The following ZNF618 variants were observed in gnomAD, a reference collection of about 807,000 sequenced individuals.
ZNF618 encodes the protein zinc finger protein 618, also known as neural precursor cell expressed, developmentally down-regulated 10.
Under a neutral mutation model 103.0 loss-of-function variants are expected in ZNF618, and 34 were observed. The observed-to-expected ratio is 0.33, with a 90% CI of 0.25 to 0.44. The LOEUF (loss-of-function observed/expected upper bound fraction) is 0.44. Among genes scored for constraint, ZNF618 ranks in the 20% least tolerant of loss-of-function variants. The pLI, the probability that ZNF618 is intolerant of heterozygous loss-of-function variation, is 1.00. For missense variants in ZNF618, 1,059 were observed against 1,295.4 expected (o/e 0.82, Z 2.80); for synonymous variants, 551 against 542.2 (o/e 1.02, Z -0.23).
At chr9:113,952,359 T>C (rs1276921960) in intron 1 of ZNF618, among the ~76,000 whole-genome samples, 4 of 152,338 alleles carry the variant, frequency 2.6e-5, no homozygotes, top group African/African-American at 7.2e-5. Flanking sequence ...ACTGAGTAGC[T>C]GATCTGTCCT....
At chr9:114,017,519 A>G (rs1213935454) in intron 10 of ZNF618, among the ~76,000 whole-genome samples, 1 of 152,156 alleles carries the variant, frequency 6.6e-6, no homozygotes, top group African/African-American at 2.4e-5. Context: ...CCCCGAGTAT[A>G]TGAGCTAGGG....
intron 2 of ZNF618, among the ~76,000 whole-genome samples, chr9:113,969,692 C>G (rs899768538): frequency 6.6e-6 from 1 of 152,104 alleles, no homozygotes; most frequent in East Asian, 1.9e-4. Context: ...CTGTTTTTAC[C>G]AAAGAAGGGA....
At chr9:113,988,661 G>T in intron 3 of ZNF618, 81 bp downstream of exon 3, 1 of 1,482,014 alleles carries the variant, frequency 6.7e-7, no homozygotes, top group East Asian at 2.4e-5. Flanking sequence ...GCGGCCTGGC[G>T]CCTCTGCCCC....
intron 1 of ZNF618, among the ~76,000 whole-genome samples, chr9:113,962,443 A>C (rs1053741570): frequency 3.9e-5 from 6 of 152,200 alleles, no homozygotes; most frequent in Non-Finnish European, 8.8e-5. Flanking sequence ...TGTAAGTCAA[A>C]GTATGTCACT....
intron 4 of ZNF618, among the ~76,000 whole-genome samples, chr9:113,999,487 C>T (rs1048798628): frequency 6.6e-5 from 10 of 152,200 alleles, no homozygotes; most frequent in African/African-American, 2.4e-4. Context: ...TCACTCTGCA[C>T]TGGGGGTCAG....
At chr9:113,944,832 G>A (rs1229745451) in intron 1 of ZNF618, among the ~76,000 whole-genome samples, 1 of 152,176 alleles carries the variant, frequency 6.6e-6, no homozygotes, top group African/African-American at 2.4e-5. Context: ...ATCAGTGTGT[G>A]TTTTCCTCGT....
intron 1 of ZNF618, among the ~76,000 whole-genome samples, chr9:113,917,330 C>G (rs1832218252): frequency 7.0e-6 from 1 of 143,236 alleles, no homozygotes; most frequent in Non-Finnish European, 1.5e-5. Context: ...ATTGTACTCA[C>G]TACCTCCCGG....
intron 4 of ZNF618, among the ~76,000 whole-genome samples, chr9:114,000,281 A>G (rs1470525890): frequency 3.9e-5 from 6 of 152,156 alleles, no homozygotes; most frequent in African/African-American, 1.4e-4. Flanking sequence ...TGTAGGAATC[A>G]GAGTCCGGTT....
rs1846051255 is a variant in ZNF618, at chr9:114,050,433, T to TGC, written c.*267_*268dup. Reference sequence around the variant, plus strand: ...CTCATCTCCATGGCCAGAGAAACTTTGCACACACGCACACACACACACACA... The same window carrying TGC: ...CTCATCTCCATGGCCAGAGAAACTTTGCGCACACACGCACACACACACACACA... On this transcript the variant is annotated 3_prime_UTR_variant, in exon 15 of 15. Coordinates refer to ENST00000374126, the MANE Select transcript of ZNF618 (RefSeq NM_001318042.2). The TGC allele has an allele frequency of 2.8e-6, 1 of 351,652 alleles. No individual in the cohort carries two copies. Among genetic ancestry groups the TGC allele is most frequent in the South Asian group, 3.9e-5 (1 of 25,810 alleles). 21.8% of individuals were successfully genotyped at this position (351,652 alleles called of 1,614,324 possible).
At chr9:113,929,342 C>T (rs1480605632) in intron 1 of ZNF618, among the ~76,000 whole-genome samples, 1 of 152,210 alleles carries the variant, frequency 6.6e-6, no homozygotes, top group Non-Finnish European at 1.5e-5. Flanking sequence ...ACTGTCTCTG[C>T]AGATTTCAGG....
chr9:114,029,051 G>T, intron 11 of ZNF618, 79 bp downstream of exon 11: 1 of 1,491,546 alleles, frequency 6.7e-7, no homozygotes, highest in Non-Finnish European at 8.9e-7. Context: ...GCCTGGGGTT[G>T]TTGTTGCCTT....
At chr9:113,969,630 C>T (rs1238194854) in intron 2 of ZNF618, among the ~76,000 whole-genome samples, 3 of 152,144 alleles carry the variant, frequency 2.0e-5, no homozygotes. Flanking sequence ...CTTTCCTCAC[C>T]CTCAAGGATG....
chr9:114,029,297 A>C (rs1843792394), intron 11 of ZNF618, among the ~76,000 whole-genome samples: 1 of 152,212 alleles, frequency 6.6e-6, no homozygotes, highest in South Asian at 2.1e-4. Context: ...AAGGTTTAAA[A>C]AATTTTTTAG....
intron 12 of ZNF618, among the ~76,000 whole-genome samples, chr9:114,033,776 A>G (rs1003167440): frequency 3.9e-5 from 6 of 152,194 alleles, no homozygotes; most frequent in African/African-American, 1.4e-4. Context: ...GCACCCACTC[A>G]CTTTCTTGCA....
At chr9:113,974,637 A>G (rs542223603) in intron 2 of ZNF618, among the ~76,000 whole-genome samples, 18 of 152,092 alleles carry the variant, frequency 1.2e-4, no homozygotes, top group African/African-American at 4.3e-4. Context: ...GCAAAGGATT[A>G]TGTGTAGCCT....
chr9:113,962,794 G>A (rs527726995), intron 1 of ZNF618, among the ~76,000 whole-genome samples: 2 of 152,134 alleles, frequency 1.3e-5, no homozygotes, highest in South Asian at 2.1e-4. Context: ...ATCCTTCCCT[G>A]TTCATGACTC....
At chr9:113,952,184 G>T (rs909030131) in intron 1 of ZNF618, among the ~76,000 whole-genome samples, 1 of 152,116 alleles carries the variant, frequency 6.6e-6, no homozygotes, top group African/African-American at 2.4e-5. Context: ...TATTTGGTCC[G>T]CAGCATTTCA....
At chr9:113,959,896 A>G (rs1228390701) in intron 1 of ZNF618, among the ~76,000 whole-genome samples, 2 of 152,210 alleles carry the variant, frequency 1.3e-5, no homozygotes, top group Non-Finnish European at 2.9e-5. Context: ...GGCGTGAGCC[A>G]CCACGCCCGG....
At chr9:113,935,531 G>A (rs1022958827) in intron 1 of ZNF618, among the ~76,000 whole-genome samples, 2 of 152,120 alleles carry the variant, frequency 1.3e-5, no homozygotes, top group African/African-American at 2.4e-5. Flanking sequence ...GTTGCGGGTC[G>A]TGTCACTCCA....
Sources: gnomAD v4.1 joint callset for allele counts (sites outside exome capture counted in the v4.1 genomes callset) on GRCh38, gnomAD v4.1.1 for gene constraint, MANE v1.5 for transcripts, NCBI Gene and HGNC (gene_info 2026-07-23, HGNC 2026-07-21) for gene names.